The following TBC1D22B variants were observed in gnomAD, a reference collection of about 807,000 sequenced individuals.
The protein encoded by TBC1D22B is chromosome 6 open reading frame 197.
A neutral mutation model predicts 69.1 loss-of-function variants in TBC1D22B; 32 were observed. The observed-to-expected ratio is 0.46, with a 90% CI of 0.35 to 0.62. The LOEUF is 0.62. Among genes scored for constraint, TBC1D22B ranks in the 20% least tolerant of loss-of-function variants. The pLI is 0.00. For missense variants in TBC1D22B, 462 were observed against 630.9 expected (o/e 0.73, Z 2.87); for synonymous variants, 206 against 229.8 (o/e 0.90, Z 0.94).
intron 10 of TBC1D22B, among the ~76,000 whole-genome samples, chr6:37,316,295 C>T (rs529112840): frequency 9.2e-5 from 14 of 152,262 alleles, no homozygotes; most frequent in East Asian, 1.9e-4. Flanking sequence ...AGCCATCTGG[C>T]GGGGATGCTG....
intron 11 of TBC1D22B, 98 bp from the exon 12 acceptor site, chr6:37,317,013 A>G (rs926599278): frequency 6.8e-7 from 1 of 1,471,940 alleles, no homozygotes; most frequent in African/African-American, 1.4e-5. Flanking sequence ...CCCAACCGTG[A>G]AAGAGTTTCC....
At chr6:37,325,540 C>CTTTTTTTT (rs70977648) in intron 12 of TBC1D22B, among the ~76,000 whole-genome samples, 1 of 77,174 alleles carries the variant, frequency 1.3e-5, no homozygotes, top group Non-Finnish European at 2.4e-5. Context: ...ATCGTTTCTA[C>CTTTTTTTT]TTTTTTTTTT....
At chr6:37,301,060 A>G (rs1013381305) in intron 8 of TBC1D22B, among the ~76,000 whole-genome samples, 4 of 152,230 alleles carry the variant, frequency 2.6e-5, no homozygotes, top group Non-Finnish European at 4.4e-5. Context: ...GGATTCATAT[A>G]GCATGTGTCC....
At position 37,282,323 on chromosome 6, in the gene TBC1D22B, A is replaced by G. The variant is rs199868484; in HGVS notation, c.560A>G (p.Glu187Gly). The part of the protein sequence containing the change: ...PMTVREKTRL[E>G]KFRQLLSSQN... ...ACTGTCCGGGAGAAAACCCGCCTAG[A>G]AAAATTCCGTCAACTTCTCTCCAGC... The change falls in exon 4 of 13, where the codon GAA becomes GGA. Residue 187 changes from glutamate (E) to glycine (G), a missense_variant. Coordinates refer to ENST00000373491, the MANE Select transcript of TBC1D22B (RefSeq NM_017772.4). 6 of 1,613,308 alleles carry G rather than the reference A, an allele frequency of 3.7e-6. No individual in the cohort carries two copies. In the East Asian group the frequency reaches 1.1e-4, roughly 30 times the overall value.
In TBC1D22B at chr6:37,267,307, CATAT is replaced by C. The variant is rs67809303; in HGVS notation, c.57-2273_57-2270del. Among the ~76,000 whole-genome samples the C allele has an allele frequency of 1.1e-3, 155 of 138,786 alleles. 3 individuals carry two copies. The South Asian group carries it at 0.018, about 16-fold the overall frequency. The allele number at this position is 138,786 out of a possible 152,430, so 91.0% of individuals were successfully genotyped here. A position where few individuals can be genotyped will look rare whatever the true frequency, so the allele number is the denominator to read the frequency against. ...TGCTTGCTTTTGAGGGGAGGACATACATATATATATATATATACACACACACATA... is the reference window on the plus strand; with the variant it reads ...TGCTTGCTTTTGAGGGGAGGACATACATATATATATATACACACACACATA... On this transcript the variant is annotated intron_variant, in intron 1 of 12. Transcript: ENST00000373491.
chr6:37,265,900 T>TAGAG (rs1766257776), intron 1 of TBC1D22B, among the ~76,000 whole-genome samples: 1 of 152,238 alleles, frequency 6.6e-6, no homozygotes, highest in Non-Finnish European at 1.5e-5. Context: ...GGATCACCTC[T>TAGAG]GTTATGTGAA....
At chr6:37,268,134 G>A (rs1766363989) in intron 1 of TBC1D22B, among the ~76,000 whole-genome samples, 1 of 152,154 alleles carries the variant, frequency 6.6e-6, no homozygotes, top group Admixed American at 6.5e-5. Flanking sequence ...CATTTTCCCT[G>A]AGTTCTTACA....
At position 37,312,961 on chromosome 6, in the gene TBC1D22B, C is replaced by T. The variant is rs757143164; in HGVS notation, c.1026C>T (p.Asp342=). The change falls in exon 9 of 13, where the codon GAC becomes GAT. Residue 342 remains aspartate (D), a synonymous_variant. Transcript: ENST00000373491. The part of the protein sequence containing the change: ...ENFDVTNLSQ[D]MLRSIEADSF... ...TTGACGTGACCAACTTGTCTCAAGA[C>T]ATGCTGCGAAGCATTGAGGCTGACA... is the stretch of plus-strand genomic sequence containing the variant. The T allele has an allele frequency of 3.7e-6, 6 of 1,614,100 alleles. No individual in the cohort carries two copies. Among genetic ancestry groups the T allele is most frequent in the Admixed American group, 3.3e-5 (2 of 60,002 alleles).
chr6:37,288,459 C>T (rs1215653619), intron 7 of TBC1D22B, among the ~76,000 whole-genome samples: 7 of 152,162 alleles, frequency 4.6e-5, no homozygotes, highest in African/African-American at 1.7e-4. Flanking sequence ...TCCTATAATC[C>T]CAGCACTTTG....
intron 12 of TBC1D22B, among the ~76,000 whole-genome samples, chr6:37,322,409 C>G (rs538356600): frequency 1.5e-4 from 23 of 152,162 alleles, no homozygotes; most frequent in African/African-American, 5.5e-4. Flanking sequence ...CCCAGCTACT[C>G]GGGAAGCTGA....
At chr6:37,282,516 G>T in intron 4 of TBC1D22B, 152 bp downstream of exon 4, 1 of 1,002,402 alleles carries the variant, frequency 1.0e-6, no homozygotes, top group South Asian at 1.7e-5. Flanking sequence ...TATTAAGTCA[G>T]ACATATGTTA....
At chr6:37,322,279 T>G (rs1768273913) in intron 12 of TBC1D22B, among the ~76,000 whole-genome samples, 5 of 152,198 alleles carry the variant, frequency 3.3e-5, no homozygotes, top group Admixed American at 3.3e-4. Flanking sequence ...GGCTTATGCC[T>G]GTAATCCCAG....
At chr6:37,300,048 G>A (rs937711016) in intron 8 of TBC1D22B, among the ~76,000 whole-genome samples, 5 of 150,200 alleles carry the variant, frequency 3.3e-5, no homozygotes, top group African/African-American at 1.2e-4. Context: ...ACTCTCCCGT[G>A]TTTTCTTCTA....
At chr6:37,330,793 T>TA (rs1768560146) in intron 12 of TBC1D22B, among the ~76,000 whole-genome samples, 1 of 147,038 alleles carries the variant, frequency 6.8e-6, no homozygotes, top group African/African-American at 2.7e-5. Context: ...TGTCATTCCC[T>TA]ATTTATGTTT....
intron 12 of TBC1D22B, 79 bp from the exon 13 acceptor site, chr6:37,330,964 GC>G: frequency 6.5e-7 from 1 of 1,536,404 alleles, no homozygotes; most frequent in Non-Finnish European, 8.9e-7. Context: ...CCCATTCTAG[GC>G]CTTGGTCTCT....
chr6:37,296,417 A>G (rs1370718338), intron 8 of TBC1D22B, among the ~76,000 whole-genome samples: 1 of 151,746 alleles, frequency 6.6e-6, no homozygotes, highest in Non-Finnish European at 1.5e-5. Context: ...TGGCATGATC[A>G]TGGCTCATTG....
chr6:37,262,031 CT>C (rs142500151), intron 1 of TBC1D22B, among the ~76,000 whole-genome samples: 72,624 of 88,058 alleles, frequency 0.82, 30,682 homozygotes, highest in East Asian at 0.91. Flanking sequence ...AAAAAATCAC[CT>C]TTTTTTTTTT....
intron 8 of TBC1D22B, 63 bp downstream of exon 8, chr6:37,291,420 T>C (rs1185513666): frequency 8.7e-6 from 11 of 1,257,694 alleles, no homozygotes; most frequent in Middle Eastern, 2.1e-4. Flanking sequence ...GTCTGTCTGT[T>C]TGTTTTTCCC....
chr6:37,279,486 A>G lies in TBC1D22B; in HGVS notation c.296A>G (p.Gln99Arg). Residue 99 changes from glutamine (Q) to arginine (R), a missense_variant, in exon 3 of 13, where the codon CAA becomes CGA. Gln to Arg is a conservative substitution (Grantham distance 43). Coordinates refer to ENST00000373491, the MANE Select transcript of TBC1D22B (RefSeq NM_017772.4). The stretch of plus-strand genomic sequence containing the variant: ...AAAGTTGCTTTGGCAACTGCAGCCC[A>G]AGTTCTAGAAAACCACAGCAAGCTG... ...NSKVALATAA[Q>R]VLENHSKLRV... 1 of 1,614,190 alleles carries G rather than the reference A, an allele frequency of 6.2e-7. No homozygotes were observed. Among genetic ancestry groups the G allele is most frequent in the Non-Finnish European group, 8.5e-7 (1 of 1,180,032 alleles).
Sources: gnomAD v4.1 joint callset for allele counts (sites outside exome capture counted in the v4.1 genomes callset) on GRCh38, gnomAD v4.1.1 for gene constraint, MANE v1.5 for transcripts, NCBI Gene and HGNC (gene_info 2026-07-23, HGNC 2026-07-21) for gene names.